The following ALK variants were observed in gnomAD, a reference collection of about 807,000 sequenced individuals.
ALK encodes the protein ALK tyrosine kinase receptor.
ALK carries 74 observed loss-of-function variants against 163.1 expected under a neutral mutation model. The observed-to-expected ratio is 0.45, with a 90% confidence interval of 0.38 to 0.55. The LOEUF is 0.55. Among genes scored for constraint, ALK ranks in the 20% least tolerant of loss-of-function variants. The pLI is 0.00. For synonymous variants in ALK, 960 were observed against 843.2 expected (o/e 1.14, Z -2.40); for missense variants, 2,063 against 2,105.3 (o/e 0.98, Z 0.39).
chr2:29,833,130 T>C (rs369105686), intron 1 of ALK, among the ~76,000 whole-genome samples: 1 of 152,306 alleles, frequency 6.6e-6, no homozygotes, highest in Middle Eastern at 3.4e-3. Context: ...TCCGGCCACA[T>C]AGAGCCCTCA....
chr2:29,730,730 G>A (rs1679718119), intron 1 of ALK, among the ~76,000 whole-genome samples: 1 of 152,162 alleles, frequency 6.6e-6, no homozygotes, highest in South Asian at 2.1e-4. Flanking sequence ...AAGGTTGCTT[G>A]CAGTGAAAGG....
chr2:29,582,549 C>T (rs6733903), intron 3 of ALK, among the ~76,000 whole-genome samples: 8,290 of 152,216 alleles, frequency 0.054, 337 homozygotes, highest in African/African-American at 0.12. Flanking sequence ...TTCTGCGGGG[C>T]ATTTGCAGAT....
At position 29,769,892 on chromosome 2, in the gene ALK, C is replaced by T. The variant is rs150765098; in HGVS notation, c.668-52195G>A. ...TGAACAGTGATCAGAAAGCTGCATC[C>T]GCAACTGATAGTGTGGAGGCCTAGC... On this transcript the variant is annotated intron_variant, in intron 1 of 28. Coordinates refer to ENST00000389048, the MANE Select transcript of ALK (RefSeq NM_004304.5). 1.2e-3 allele frequency among the ~76,000 whole-genome samples: 180 copies of T among 152,300 alleles called. 1 individual carries two copies. The East Asian group carries it at 0.033, about 28-fold the overall frequency.
chr2:29,452,603 A>T (rs1298770845), intron 4 of ALK, among the ~76,000 whole-genome samples: 1 of 152,206 alleles, frequency 6.6e-6, no homozygotes, highest in Non-Finnish European at 1.5e-5. Flanking sequence ...GAGAAACAGG[A>T]TATTTATATA....
chr2:29,744,302 A>T (rs577688634), intron 1 of ALK, among the ~76,000 whole-genome samples: 1 of 152,292 alleles, frequency 6.6e-6, no homozygotes, highest in African/African-American at 2.4e-5. Context: ...CAGTGGTGGG[A>T]GAGACACTAT....
intron 5 of ALK, among the ~76,000 whole-genome samples, chr2:29,362,853 C>T (rs1210642510): frequency 6.6e-6 from 1 of 150,586 alleles, no homozygotes; most frequent in East Asian, 1.9e-4. Context: ...AACAAATGAA[C>T]AAACAAACAA....
At chr2:29,575,760 TGGAAAGTTTC>T (rs1030477334) in intron 3 of ALK, among the ~76,000 whole-genome samples, 19 of 152,142 alleles carry the variant, frequency 1.2e-4, no homozygotes, top group African/African-American at 4.6e-4. Context: ...CCCAGTCCTT[TGGAAAGTTTC>T]TAAGCAGAAG....
At chr2:29,287,265 A>G (rs995749350) in intron 9 of ALK, among the ~76,000 whole-genome samples, 5 of 152,230 alleles carry the variant, frequency 3.3e-5, no homozygotes, top group Non-Finnish European at 7.3e-5. Context: ...GTAAACCACT[A>G]ATATTTACAA....
chr2:29,195,563 C>T (rs547257237), intron 28 of ALK, among the ~76,000 whole-genome samples: 1 of 151,992 alleles, frequency 6.6e-6, no homozygotes, highest in Admixed American at 6.5e-5. Context: ...GAAACACCAT[C>T]TCTACTAAAA....
chr2:29,306,073 G>A (rs1323843181), intron 8 of ALK, among the ~76,000 whole-genome samples: 1 of 151,658 alleles, frequency 6.6e-6, no homozygotes, highest in Non-Finnish European at 1.5e-5. Flanking sequence ...ATAGGCCACA[G>A]AGCAGTACTG....
chr2:29,322,944 T>C (rs917258338), intron 6 of ALK, among the ~76,000 whole-genome samples: 33 of 152,244 alleles, frequency 2.2e-4, no homozygotes, highest in Admixed American at 1.8e-3. Context: ...AGGTGGGAGA[T>C]GCACAGTACG....
chr2:29,774,895 A>G (rs1035924049), intron 1 of ALK, among the ~76,000 whole-genome samples: 10 of 152,228 alleles, frequency 6.6e-5, no homozygotes, highest in African/African-American at 2.4e-4. Flanking sequence ...AGTTACCAAA[A>G]GGGATGATTC....
At chr2:29,381,438 T>G (rs1668893406) in intron 5 of ALK, among the ~76,000 whole-genome samples, 1 of 152,208 alleles carries the variant, frequency 6.6e-6, no homozygotes, top group Non-Finnish European at 1.5e-5. Flanking sequence ...CACCCACAGA[T>G]AGATATTGTC....
chr2:29,568,859 C>T (rs375696080), intron 3 of ALK, among the ~76,000 whole-genome samples: 2 of 152,068 alleles, frequency 1.3e-5, no homozygotes, highest in South Asian at 2.1e-4. Context: ...GCAGTGGTGT[C>T]GCCATGGGCA....
At chr2:29,342,244 T>C (rs1326679202) in intron 5 of ALK, among the ~76,000 whole-genome samples, 3 of 152,198 alleles carry the variant, frequency 2.0e-5, no homozygotes, top group Admixed American at 2.0e-4. Context: ...GAAAACAATA[T>C]AGTTGTTCCT....
chr2:29,488,871 C>T (rs59462564), intron 4 of ALK, among the ~76,000 whole-genome samples: 19,767 of 152,108 alleles, frequency 0.13, 1,492 homozygotes, highest in East Asian at 0.28. Flanking sequence ...ACTTTGGTTT[C>T]GTAGAGCAAA....
chr2:29,460,918 A>C (rs1385987690), intron 4 of ALK, among the ~76,000 whole-genome samples: 1 of 152,208 alleles, frequency 6.6e-6, no homozygotes, highest in African/African-American at 2.4e-5. Flanking sequence ...CTCTTGCACC[A>C]AATAGCCAAG....
intron 1 of ALK, among the ~76,000 whole-genome samples, chr2:29,881,010 G>C (rs1572464594): frequency 1.3e-5 from 2 of 152,184 alleles, no homozygotes; most frequent in South Asian, 4.1e-4. Context: ...CAACTAAGGG[G>C]CCTCACTGTA....
At chr2:29,445,004 CAAAGAT>C (rs1670637789) in intron 4 of ALK, among the ~76,000 whole-genome samples, 1 of 152,168 alleles carries the variant, frequency 6.6e-6, no homozygotes, top group African/African-American at 2.4e-5. Context: ...GCCAAGTTAT[CAAAGAT>C]AAAGGAGCCA....
Sources: gnomAD v4.1 joint callset for allele counts (sites outside exome capture counted in the v4.1 genomes callset) on GRCh38, gnomAD v4.1.1 for gene constraint, MANE v1.5 for transcripts, NCBI Gene and HGNC (gene_info 2026-07-23, HGNC 2026-07-21) for gene names.